SPRED1: variants seen among roughly 807,000 people sequenced by gnomAD.
SPRED1 encodes the protein sprouty-related, EVH1 domain-containing protein 1.
In SPRED1, 18 loss-of-function variants were observed where a neutral mutation model predicts 52.3. The ratio of observed to expected loss-of-function variants is 0.34; its 90% CI spans 0.24 to 0.51. The LOEUF (loss-of-function observed/expected upper bound fraction) is 0.51. Among genes scored for constraint, SPRED1 ranks in the 20% least tolerant of loss-of-function variants. The probability of loss-of-function intolerance (pLI) is 0.97; values close to 1 mark genes in which losing one functional copy is unlikely to be tolerated. For synonymous variants in SPRED1, 155 were observed against 179.7 expected, an observed-to-expected ratio of 0.86 and a Z score of 1.10; for missense variants, 485 against 551.0, an observed-to-expected ratio of 0.88 and a Z score of 1.20.
At chr15:38,264,563 G>GC (rs1555387452) in intron 1 of SPRED1, among the ~76,000 whole-genome samples, 1 of 151,644 alleles carries the variant, frequency 6.6e-6, no homozygotes, top group African/African-American at 2.4e-5. Context: ...CTGCTAAAAT[G>GC]TTTTTTTTAA....
intron 1 of SPRED1, 141 bp from the exon 2 acceptor site, chr15:38,299,232 C>G: frequency 2.1e-6 from 2 of 959,620 alleles, no homozygotes; most frequent in African/African-American, 1.6e-5. Context: ...AGGCTACTTT[C>G]TGTAGATTTT....
intron 1 of SPRED1, among the ~76,000 whole-genome samples, chr15:38,278,612 G>A (rs926157350): frequency 6.6e-6 from 1 of 152,114 alleles, no homozygotes; most frequent in East Asian, 1.9e-4. Context: ...AGAATCTATG[G>A]ATGCTCAAGT....
rs1385820657 is a variant in SPRED1 at position 38,349,422 on chromosome 15, A to G, written c.583A>G (p.Ile195Val). ...RVYMQSQANQ[I>V]TFGQPGLDIQ... Reference sequence around the variant, plus strand: ...TAAGTAGAAATTGTTTGTATTTTAGATAACATTTGGTCAGCCAGGCTTGGA... The same window carrying G: ...TAAGTAGAAATTGTTTGTATTTTAGGTAACATTTGGTCAGCCAGGCTTGGA... The change falls in exon 6 of 7, where the codon ATA (isoleucine) becomes GTA (valine). Residue 195 changes from isoleucine to valine, a missense_variant and splice_region_variant. This residue lies in a region of SPRED1 where 232 missense variants were observed against 231.8 expected (regional missense o/e 1.00). Transcript: ENST00000299084. The G allele has an allele frequency of 1.9e-6, 3 of 1,607,192 alleles. No individual in the cohort carries two copies. The highest frequency in any genetic ancestry group is 1.1e-5 in the South Asian group (1 of 90,946).
At chr15:38,349,577 GT>G (rs1896213278) in intron 6 of SPRED1, 54 bp downstream of exon 6, 2 of 157,286 alleles carry the variant, frequency 1.3e-5, no homozygotes, top group African/African-American at 4.1e-5. Context: ...TAATAGATAG[GT>G]AAAGTTTTCC....
intron 1 of SPRED1, among the ~76,000 whole-genome samples, chr15:38,282,897 T>C (rs1438999526): frequency 6.6e-6 from 1 of 152,132 alleles, no homozygotes; most frequent in Non-Finnish European, 1.5e-5. Context: ...CTTGCTACTT[T>C]GAGGACTGTG....
At chr15:38,309,607 A>G (rs75390002) in intron 2 of SPRED1, among the ~76,000 whole-genome samples, 6,767 of 152,304 alleles carry the variant, frequency 0.044, 225 homozygotes, top group Middle Eastern at 0.12. Flanking sequence ...ATAAGGTCCC[A>G]TCTATCAAGT....
intron 4 of SPRED1, among the ~76,000 whole-genome samples, chr15:38,333,065 T>A (rs369785826): frequency 6.8e-4 from 104 of 152,278 alleles, no homozygotes; most frequent in African/African-American, 2.4e-3. Flanking sequence ...ACTATCATAT[T>A]GGTAATTAGA....
Position 38,356,556 on chromosome 15 carries a change from G to C in SPRED1, c.*4892G>C, listed in dbSNP as rs1443909661. 6.6e-6 allele frequency: 1 copy of C among 152,000 alleles called. No individual in the cohort carries two copies. The highest frequency in any genetic ancestry group is 2.4e-5 in the African/African-American group (1 of 41,394). The allele number at this position is 152,000 out of a possible 1,614,324, so 9.4% of individuals were successfully genotyped here. A position where few individuals can be genotyped will look rare whatever the true frequency, so the allele number is the denominator to read the frequency against. ...ATGGAAGCTTTTGATAATTAGCTCT[G>C]TTCTTTAAAAGTATACTTTTAAACT... On this transcript the variant is annotated 3_prime_UTR_variant, in exon 7 of 7. Transcript: ENST00000299084.
At chr15:38,307,403 G>A (rs1369364152) in intron 2 of SPRED1, among the ~76,000 whole-genome samples, 1 of 152,274 alleles carries the variant, frequency 6.6e-6, no homozygotes, top group African/African-American at 2.4e-5. Context: ...GGTGTGGGCT[G>A]TCTTCCTGGC....
intron 1 of SPRED1, among the ~76,000 whole-genome samples, chr15:38,272,276 G>GTTTTTTTTTTTTTTTTTTTTTT (rs1555387949): frequency 7.6e-6 from 1 of 131,426 alleles, no homozygotes; most frequent in African/African-American, 2.8e-5. Context: ...CGAATGCTAG[G>GTTTTTTTTTTTTTTTTTTTTTT]TTTTTTTTTT....
At chr15:38,273,845 A>T (rs759713040) in intron 1 of SPRED1, among the ~76,000 whole-genome samples, 70 of 152,246 alleles carry the variant, frequency 4.6e-4, no homozygotes, top group Non-Finnish European at 8.1e-4. Flanking sequence ...CGACTCCTTA[A>T]ATAAGTTGTC....
chr15:38,319,699 A>G (rs1895562928), intron 2 of SPRED1, among the ~76,000 whole-genome samples: 1 of 152,174 alleles, frequency 6.6e-6, no homozygotes, highest in Non-Finnish European at 1.5e-5. Context: ...TCTAATACAC[A>G]TAGAGTCATC....
rs1317093210 is a variant in SPRED1, at chr15:38,351,294, A to C, written c.965A>C (p.Lys322Thr). The part of the protein sequence containing the change: ...KTQPSSLKIK[K>T]SKRRKEDGER... ...CAGCCTTCCTCATTAAAAATTAAGAAGTCAAAACGAAGAAAAGAGGATGGT... is the reference window on the plus strand; with the variant it reads ...CAGCCTTCCTCATTAAAAATTAAGACGTCAAAACGAAGAAAAGAGGATGGT... Residue 322 changes from lysine to threonine, a missense_variant, in exon 7 of 7, where the codon AAG becomes ACG. Lys to Thr is a moderately conservative substitution (Grantham distance 78). Coordinates refer to ENST00000299084, the MANE Select transcript of SPRED1 (RefSeq NM_152594.3). 4.3e-6 allele frequency: 7 copies of C among 1,614,148 alleles called. No homozygotes were observed. The highest frequency in any genetic ancestry group is 5.9e-6 in the Non-Finnish European group (7 of 1,180,020).
intron 2 of SPRED1, among the ~76,000 whole-genome samples, chr15:38,308,293 C>T (rs1895291644): frequency 6.6e-6 from 1 of 152,186 alleles, no homozygotes; most frequent in African/African-American, 2.4e-5. Flanking sequence ...CAACATTTTG[C>T]AAAACTATAT....
intron 2 of SPRED1, among the ~76,000 whole-genome samples, chr15:38,304,077 A>G (rs1019146770): frequency 6.6e-6 from 1 of 152,226 alleles, no homozygotes; most frequent in African/African-American, 2.4e-5. Flanking sequence ...GTTTCTTTCC[A>G]GTTACTGTAG....
rs573365424 is a variant in SPRED1, at chr15:38,356,157, T to A, written c.*4493T>A. The A allele has an allele frequency of 2.0e-5, 3 of 152,298 alleles. No individual in the cohort carries two copies. The highest frequency in any genetic ancestry group is 7.2e-5 in the African/African-American group (3 of 41,586). 9.4% of individuals were successfully genotyped at this position (152,298 alleles called of 1,614,324 possible). The stretch of plus-strand genomic sequence containing the variant: ...TTTCCAGTGTGTAGTGTCGTTTGCT[T>A]TCTATTTCTGACCTCAAAAGTGCCT... On this transcript the variant is annotated 3_prime_UTR_variant, in exon 7 of 7. Transcript: ENST00000299084.
intron 1 of SPRED1, among the ~76,000 whole-genome samples, chr15:38,287,143 A>T (rs982964357): frequency 2.0e-5 from 3 of 152,146 alleles, no homozygotes; most frequent in African/African-American, 7.2e-5. Flanking sequence ...TATTCTAGAG[A>T]CTAGAAACAA....
rs1200782108 is a variant in SPRED1 at position 38,277,983 on chromosome 15, TTTAAA to T, written c.33-21385_33-21381del. ...TATTTGTTTTTTGCTTGTTAATTTG[TTTAAA>T]TTAATGTAAGGATGTATTAATGGCA... On this transcript the variant is annotated intron_variant, in intron 1 of 6. Transcript: ENST00000299084. Among the ~76,000 whole-genome samples the T allele has an allele frequency of 7.2e-5, 9 of 125,508 alleles. No homozygotes were observed. In the East Asian group the frequency reaches 1.8e-3, roughly 25 times the overall value. The allele number at this position is 125,508 out of a possible 152,430, so 82.3% of individuals were successfully genotyped here.
chr15:38,320,895 C>T (rs908497755), intron 2 of SPRED1, among the ~76,000 whole-genome samples: 3 of 151,984 alleles, frequency 2.0e-5, no homozygotes, highest in Admixed American at 6.6e-5. Context: ...GGCCCAGGAA[C>T]GAAAGACTGA....
Sources: allele counts gnomAD v4.1 joint callset (sites outside exome capture counted in the v4.1 genomes callset), GRCh38; gene constraint gnomAD v4.1.1; regional missense constraint gnomAD v4.1.1; transcripts MANE v1.5; gene names NCBI Gene and HGNC (gene_info 2026-07-23, HGNC 2026-07-21).